The following PLCE1 variants were observed in gnomAD, a reference collection of about 807,000 sequenced individuals.
PLCE1 encodes 1-phosphatidylinositol 4,5-bisphosphate phosphodiesterase epsilon-1.
PLCE1 carries 119 observed loss-of-function variants against 242.8 expected under a neutral mutation model. That is an observed-to-expected ratio of 0.49 (90% CI 0.42 to 0.57). PLCE1 has a LOEUF of 0.57. Ranked by LOEUF, PLCE1 falls within the 20% of genes least tolerant of loss-of-function variation. The pLI is 0.00. For synonymous variants in PLCE1, 945 were observed against 1,017.4 expected, an observed-to-expected ratio of 0.93 and a Z score of 1.35; for missense variants, 2,441 against 2,788.8, an observed-to-expected ratio of 0.88 and a Z score of 2.81.
rs1482859725 is a variant in PLCE1 at position 94,332,628 on chromosome 10, A to G, written c.*4685A>G. 1 of 152,144 alleles carries G rather than the reference A, an allele frequency of 6.6e-6. No homozygotes were observed. The highest frequency in any genetic ancestry group is 1.5e-5 in the Non-Finnish European group (1 of 68,034). 9.4% of individuals were successfully genotyped at this position (152,144 alleles called of 1,614,324 possible). A position where few individuals can be genotyped will look rare whatever the true frequency, so the allele number is the denominator to read the frequency against. On this transcript the variant is annotated 3_prime_UTR_variant, in exon 33 of 33. Transcript: ENST00000371380. ...TCAAATTCACATAGGATACTCAAAT[A>G]TAGATGTATAATTTTGTAGTCCCAC...
intron 4 of PLCE1, among the ~76,000 whole-genome samples, chr10:94,204,451 G>A (rs901174598): frequency 4.0e-5 from 6 of 151,828 alleles, no homozygotes; most frequent in African/African-American, 9.7e-5. Context: ...GGTGAATCAC[G>A]AGGTCAGGAG....
intron 30 of PLCE1, among the ~76,000 whole-genome samples, chr10:94,322,750 G>T (rs1441732292): frequency 6.6e-6 from 1 of 151,348 alleles, no homozygotes; most frequent in South Asian, 2.1e-4. Context: ...ATGCCATTGC[G>T]CGTCAGCCTG....
At chr10:94,054,587 G>C (rs573801979) in intron 2 of PLCE1, among the ~76,000 whole-genome samples, 15 of 152,318 alleles carry the variant, frequency 9.8e-5, no homozygotes, top group Admixed American at 7.2e-4. Flanking sequence ...GGAGAGTTCA[G>C]GGTTTATCTC....
At chr10:94,071,387 C>T (rs2044347450) in intron 2 of PLCE1, among the ~76,000 whole-genome samples, 1 of 151,924 alleles carries the variant, frequency 6.6e-6, no homozygotes, top group African/African-American at 2.4e-5. Context: ...GCTGACTTTC[C>T]TGAAATATAT....
At chr10:94,251,769 C>A (rs754655829) in intron 8 of PLCE1, among the ~76,000 whole-genome samples, 1 of 152,056 alleles carries the variant, frequency 6.6e-6, no homozygotes, top group Non-Finnish European at 1.5e-5. Flanking sequence ...TAGATTTCAG[C>A]CACTCAAGGG....
chr10:94,263,242 G>A (rs2051376650), intron 14 of PLCE1, among the ~76,000 whole-genome samples: 1 of 152,036 alleles, frequency 6.6e-6, no homozygotes, highest in African/African-American at 2.4e-5. Flanking sequence ...GGCTGGGTGT[G>A]GTGGTTCATG....
chr10:94,221,501 C>A (rs899468854), intron 4 of PLCE1, among the ~76,000 whole-genome samples: 1 of 152,214 alleles, frequency 6.6e-6, no homozygotes, highest in Non-Finnish European at 1.5e-5. Context: ...CTTTGGGAGG[C>A]CGAGGTGGGT....
At chr10:94,183,432 G>A (rs373012466) in intron 4 of PLCE1, among the ~76,000 whole-genome samples, 7 of 152,116 alleles carry the variant, frequency 4.6e-5, no homozygotes, top group African/African-American at 1.7e-4. Flanking sequence ...CTCAAATATG[G>A]CCAAAATAGA....
chr10:94,283,734 G>C, intron 20 of PLCE1, 56 bp from the exon 21 acceptor site: 3 of 1,585,062 alleles, frequency 1.9e-6, no homozygotes, highest in Non-Finnish European at 2.6e-6. Context: ...TGCACATGTA[G>C]CTCTTAAGTG....
intron 4 of PLCE1, among the ~76,000 whole-genome samples, chr10:94,185,972 T>C (rs2048464534): frequency 1.3e-5 from 2 of 152,354 alleles, no homozygotes; most frequent in Admixed American, 1.3e-4. Flanking sequence ...GAAGACGGAC[T>C]TCGCTCCATT....
intron 8 of PLCE1, 31 bp downstream of exon 8, chr10:94,246,652 C>T: frequency 6.3e-7 from 1 of 1,591,606 alleles, no homozygotes; most frequent in Non-Finnish European, 8.6e-7. Flanking sequence ...TCTTTCCTCA[C>T]TGGCATAATA....
intron 13 of PLCE1, 63 bp downstream of exon 13, chr10:94,259,213 TCCA>T: frequency 1.3e-6 from 2 of 1,516,092 alleles, no homozygotes; most frequent in Non-Finnish European, 1.8e-6. Flanking sequence ...AGGTCAGAGG[TCCA>T]GTCACACAAA....
At chr10:94,222,514 T>A (rs2049788670) in intron 4 of PLCE1, among the ~76,000 whole-genome samples, 1 of 152,174 alleles carries the variant, frequency 6.6e-6, no homozygotes, top group Non-Finnish European at 1.5e-5. Context: ...GTCAGGGTGA[T>A]GTGGGGGCAC....
At chr10:94,022,224 A>G (rs1166645493) in intron 1 of PLCE1, among the ~76,000 whole-genome samples, 2 of 152,004 alleles carry the variant, frequency 1.3e-5, no homozygotes, top group Non-Finnish European at 2.9e-5. Context: ...ATAAATAACA[A>G]TTGTATTTCT....
rs185589074 is a variant in PLCE1 at position 94,050,262 on chromosome 10, C to A, written c.1206+18010C>A. On this transcript the variant is annotated intron_variant, in intron 2 of 32. Transcript: ENST00000371380. ...AGGGCTTAGGAAACTTACAATCAGG[C>A]GGAAGGGGAAGCAGTCACCTTCTTC... Among the ~76,000 whole-genome samples, 228 of 152,128 alleles carry A rather than the reference C, an allele frequency of 1.5e-3. 1 individual carries two copies. The highest frequency in any genetic ancestry group is 5.2e-3 in the African/African-American group (217 of 41,480).
chr10:94,313,150 A>T, intron 27 of PLCE1, 104 bp from the exon 28 acceptor site: 2 of 1,354,836 alleles, frequency 1.5e-6, no homozygotes, highest in Non-Finnish European at 2.1e-6. Context: ...TTTTGCATTT[A>T]CATGTTCCTA....
chr10:94,185,777 C>T (rs1232221580), intron 4 of PLCE1, among the ~76,000 whole-genome samples: 3 of 152,196 alleles, frequency 2.0e-5, no homozygotes, highest in Non-Finnish European at 4.4e-5. Context: ...GGAGATCACA[C>T]AGGCACATCT....
rs191990982 is a variant in PLCE1 at position 94,213,929 on chromosome 10, G to A, written c.1810-13377G>A. 1.0e-3 allele frequency among the ~76,000 whole-genome samples: 155 copies of A among 152,020 alleles called. No homozygotes were observed. In the Middle Eastern group the frequency reaches 0.017, roughly 17 times the overall value. On this transcript the variant is annotated intron_variant, in intron 4 of 32. Coordinates refer to ENST00000371380, the MANE Select transcript of PLCE1 (RefSeq NM_016341.4). ...ATAAAGAGACTTTATATTTATCATC[G>A]CTTTTATTAGTCACCACACTCCTTA... is the stretch of plus-strand genomic sequence containing the variant.
chr10:94,236,884 A>C (rs1448736162), intron 7 of PLCE1, among the ~76,000 whole-genome samples: 1 of 152,200 alleles, frequency 6.6e-6, no homozygotes, highest in Non-Finnish European at 1.5e-5. Flanking sequence ...ATCTATGTAT[A>C]TATCTATTTC....
Sources: gnomAD v4.1 joint callset for allele counts (sites outside exome capture counted in the v4.1 genomes callset) on GRCh38, gnomAD v4.1.1 for gene constraint, MANE v1.5 for transcripts, NCBI Gene and HGNC (gene_info 2026-07-23, HGNC 2026-07-21) for gene names.